The following SLIT3 variants were observed in gnomAD, a reference collection of about 807,000 sequenced individuals.
SLIT3 encodes the protein slit homolog 3 protein.
A neutral mutation model predicts 184.0 loss-of-function variants in SLIT3; 68 were observed. The ratio of observed to expected loss-of-function variants is 0.37; its 90% CI spans 0.30 to 0.45. SLIT3 has a LOEUF of 0.45. Ranked by LOEUF, SLIT3 falls within the 20% of genes least tolerant of loss-of-function variation. SLIT3 has a pLI of 1.00. For synonymous variants in SLIT3, 831 were observed against 828.6 expected, an observed-to-expected ratio of 1.00 and a Z score of -0.05; for missense variants, 1,707 against 2,026.0, an observed-to-expected ratio of 0.84 and a Z score of 3.02.
chr5:168,977,704 G>A (rs1237288683), intron 4 of SLIT3, among the ~76,000 whole-genome samples: 1 of 151,874 alleles, frequency 6.6e-6, no homozygotes, highest in Non-Finnish European at 1.5e-5. Flanking sequence ...CCTTCCCTTT[G>A]ATTCTAGATG....
At chr5:169,082,560 G>C (rs1288200095) in intron 4 of SLIT3, among the ~76,000 whole-genome samples, 1 of 150,074 alleles carries the variant, frequency 6.7e-6, no homozygotes, top group East Asian at 2.0e-4. Context: ...ATTTTGAAAA[G>C]TACCTGTCTC....
chr5:168,804,705 T>C (rs996157566), intron 9 of SLIT3, among the ~76,000 whole-genome samples: 1 of 152,072 alleles, frequency 6.6e-6, no homozygotes, highest in African/African-American at 2.4e-5. Context: ...GGCTGGAAAA[T>C]GGGACTGTAA....
intron 12 of SLIT3, among the ~76,000 whole-genome samples, chr5:168,783,664 A>G (rs188367718): frequency 6.6e-6 from 1 of 152,202 alleles, no homozygotes; most frequent in Non-Finnish European, 1.5e-5. Flanking sequence ...TTCTAATCAG[A>G]GCCTTCTTAT....
intron 4 of SLIT3, among the ~76,000 whole-genome samples, chr5:169,003,168 C>T (rs572492489): frequency 2.0e-5 from 3 of 152,274 alleles, no homozygotes; most frequent in African/African-American, 7.2e-5. Context: ...AAATCTAGTC[C>T]TTTTTTCCTA....
At position 168,753,012 on chromosome 5, in the gene SLIT3, T is replaced by C; in HGVS notation, c.1916A>G (p.Asn639Ser). 1 of 1,613,930 alleles carries C rather than the reference T, an allele frequency of 6.2e-7. No individual in the cohort carries two copies. The highest frequency in any genetic ancestry group is 8.5e-7 in the Non-Finnish European group (1 of 1,179,972). ...CCCAGGGGTGATGGTGGTGATCCGA[T>C]TGTCATAGAGGGACAGCAGTCTCAC... The part of the protein sequence containing the change: ...SSVRLLSLYD[N>S]RITTITPGAF... Residue 639 changes from asparagine to serine, a missense_variant, in exon 18 of 36, where the codon AAT becomes AGT. By Grantham distance (46) the Asn-to-Ser change is conservative. Coordinates refer to ENST00000519560, the MANE Select transcript of SLIT3 (RefSeq NM_003062.4).
At chr5:169,070,432 C>T (rs1052301354) in intron 4 of SLIT3, among the ~76,000 whole-genome samples, 6 of 152,184 alleles carry the variant, frequency 3.9e-5, no homozygotes, top group African/African-American at 1.4e-4. Flanking sequence ...TGTCTCTTGT[C>T]ACTGACTGTA....
At chr5:169,099,050 G>A (rs541109893) in intron 4 of SLIT3, among the ~76,000 whole-genome samples, 36 of 151,966 alleles carry the variant, frequency 2.4e-4, no homozygotes, top group African/African-American at 8.4e-4. Flanking sequence ...GCCTCTGCTT[G>A]ACCTTCCAGA....
chr5:169,158,468 A>G (rs768487923), intron 4 of SLIT3, among the ~76,000 whole-genome samples: 6 of 151,588 alleles, frequency 4.0e-5, no homozygotes, highest in Non-Finnish European at 5.9e-5. Flanking sequence ...CCCCTAAAAG[A>G]TGGCTAAAAA....
At chr5:168,882,505 C>A (rs748196675) in intron 5 of SLIT3, among the ~76,000 whole-genome samples, 1 of 152,152 alleles carries the variant, frequency 6.6e-6, no homozygotes, top group Non-Finnish European at 1.5e-5. Flanking sequence ...CCTATGCCTG[C>A]GCTCACACAG....
At chr5:168,994,531 GGCTAACAGCTTT>G (rs917424420) in intron 4 of SLIT3, among the ~76,000 whole-genome samples, 4 of 149,194 alleles carry the variant, frequency 2.7e-5, no homozygotes, top group African/African-American at 5.0e-5. Flanking sequence ...TTACCTCCAA[GGCTAACAGCTTT>G]GCCATTCGCT....
chr5:169,168,232 G>T (rs553592307), intron 4 of SLIT3, among the ~76,000 whole-genome samples: 1 of 152,150 alleles, frequency 6.6e-6, no homozygotes, highest in Non-Finnish European at 1.5e-5. Context: ...CAGAAAGTAG[G>T]CTATGCATCT....
chr5:169,141,024 G>T (rs1310030704), intron 4 of SLIT3, among the ~76,000 whole-genome samples: 1 of 152,126 alleles, frequency 6.6e-6, no homozygotes, highest in Non-Finnish European at 1.5e-5. Context: ...TTTTCACAAT[G>T]CGATAAACTC....
At position 168,663,140 on chromosome 5, in the gene SLIT3, G is replaced by T. The variant is rs1490685102; in HGVS notation, c.*3314C>A. 6.6e-6 allele frequency: 1 copy of T among 152,312 alleles called. No homozygotes were observed. The highest frequency in any genetic ancestry group is 2.4e-5 in the African/African-American group (1 of 41,456). 9.4% of individuals were successfully genotyped at this position (152,312 alleles called of 1,614,324 possible). On this transcript the variant is annotated 3_prime_UTR_variant, in exon 36 of 36. Transcript: ENST00000519560. ...CCTTGGGGAGGCAGAGGGAAAGCTG[G>T]CAGCCTGGTGACTCCTCCCAGGAAG... is the stretch of plus-strand genomic sequence containing the variant.
At chr5:169,135,527 G>T (rs1761470350) in intron 4 of SLIT3, among the ~76,000 whole-genome samples, 1 of 151,888 alleles carries the variant, frequency 6.6e-6, no homozygotes, top group Non-Finnish European at 1.5e-5. Context: ...AAACTAGCAG[G>T]AACACAGAAA....
At chr5:169,013,849 C>CT (rs1471286851) in intron 4 of SLIT3, among the ~76,000 whole-genome samples, 3 of 152,206 alleles carry the variant, frequency 2.0e-5, no homozygotes, top group Admixed American at 2.0e-4. Context: ...TCTCATGCCA[C>CT]TTACTCTAAA....
At chr5:169,211,747 G>C (rs1221599163) in intron 3 of SLIT3, among the ~76,000 whole-genome samples, 1 of 152,112 alleles carries the variant, frequency 6.6e-6, no homozygotes, top group Non-Finnish European at 1.5e-5. Context: ...CCATTGAACT[G>C]TCACCTACAC....
intron 23 of SLIT3, among the ~76,000 whole-genome samples, chr5:168,714,287 C>T (rs73802370): frequency 0.029 from 4,492 of 152,308 alleles, 231 homozygotes; most frequent in African/African-American, 0.1. Flanking sequence ...GCATAGGCAC[C>T]CAGCTTTATT....
chr5:169,170,214 T>G (rs574289432), intron 4 of SLIT3, among the ~76,000 whole-genome samples: 1 of 152,280 alleles, frequency 6.6e-6, no homozygotes, highest in Middle Eastern at 3.4e-3. Context: ...GGGAAGAGCA[T>G]CTGAGGACCA....
At chr5:169,019,253 G>A (rs1339774116) in intron 4 of SLIT3, among the ~76,000 whole-genome samples, 1 of 152,204 alleles carries the variant, frequency 6.6e-6, no homozygotes, top group Middle Eastern at 3.2e-3. Context: ...TGCAGAGGCG[G>A]GAAGCAAGTG....
Sources: gnomAD v4.1 joint callset for allele counts (sites outside exome capture counted in the v4.1 genomes callset) on GRCh38, gnomAD v4.1.1 for gene constraint, MANE v1.5 for transcripts, NCBI Gene and HGNC (gene_info 2026-07-23, HGNC 2026-07-21) for gene names.